ERCC6: variants seen among roughly 807,000 people sequenced by gnomAD.
ERCC6 encodes DNA excision repair protein ERCC-6.
ERCC6 carries 116 observed loss-of-function variants against 158.7 expected under a neutral mutation model. That is an observed-to-expected ratio of 0.73 (90% CI 0.63 to 0.85). The LOEUF (loss-of-function observed/expected upper bound fraction) is 0.85, where lower values mean the gene tolerates loss of function less well. Ranked by LOEUF, ERCC6 falls within the 40% of genes least tolerant of loss-of-function variation. The probability of loss-of-function intolerance (pLI) is 0.00; values close to 1 mark genes in which losing one functional copy is unlikely to be tolerated. For synonymous variants in ERCC6, 678 were observed against 659.3 expected (o/e 1.03, Z -0.43); for missense variants, 1,698 against 1,799.4 (o/e 0.94, Z 1.02).
intron 1 of ERCC6, 65 bp downstream of exon 1, chr10:49,538,897 G>T: frequency 6.5e-6 from 1 of 152,712 alleles, no homozygotes; most frequent in Non-Finnish European, 1.5e-5. Flanking sequence ...CGGCCCGCCC[G>T]AGAAGCCTGA....
intron 14 of ERCC6, 80 bp downstream of exon 14, chr10:49,473,397 G>A (rs1785418589): frequency 1.0e-6 from 1 of 967,722 alleles, no homozygotes; most frequent in East Asian, 2.4e-5. Context: ...GCTTTGGTGG[G>A]TAAGGGTGTG....
chr10:49,463,149 T>C (rs1327851191), intron 18 of ERCC6, among the ~76,000 whole-genome samples: 1 of 152,164 alleles, frequency 6.6e-6, no homozygotes. Flanking sequence ...TAATGAGACA[T>C]CTTGGGGATG....
At chr10:49,536,622 G>A (rs1273028594) in intron 1 of ERCC6, among the ~76,000 whole-genome samples, 1 of 152,168 alleles carries the variant, frequency 6.6e-6, no homozygotes, top group Non-Finnish European at 1.5e-5. Context: ...TAAATGTCCT[G>A]TACAAGAGAA....
rs541909446 is a variant in ERCC6 at position 49,461,556 on chromosome 10, A to G, written c.3779T>C (p.Val1260Ala). 5 of 1,612,220 alleles carry G rather than the reference A, an allele frequency of 3.1e-6. No individual in the cohort carries two copies. Among genetic ancestry groups the G allele is most frequent in the Non-Finnish European group, 4.2e-6 (5 of 1,179,114 alleles). ...YVLEKLFKKS[V>A]GVHSVMKHDA... ...GTGCTTCATGACACTGTGCACGCCA[A>G]CTAGCAAGAAAAGAAATAGCAAAGT... Residue 1260 changes from valine (V) to alanine (A), a missense_variant and splice_region_variant, in exon 19 of 21, where the codon GTT becomes GCT. Transcript: ENST00000355832.
In ERCC6 at chr10:49,470,530, C is replaced by T. The variant is rs1275630513; in HGVS notation, c.3430G>A (p.Asp1144Asn). The stretch of plus-strand genomic sequence containing the variant: ...CCTAACTTTTCATCAATGCTTTCAT[C>T]ACCAGATGGCATAGAAGTTTTGCCT... ...GTGKTSMPSGDESIDEKLGLS... is the reference protein window; with the variant it reads ...GTGKTSMPSGNESIDEKLGLS... The change falls in exon 18 of 21, where the codon GAT (aspartate) becomes AAT (asparagine). Residue 1144 changes from aspartate (D) to asparagine (N), a missense_variant. Transcript: ENST00000355832. The T allele has an allele frequency of 6.2e-7, 1 of 1,614,204 alleles. No homozygotes were observed. The highest frequency in any genetic ancestry group is 8.5e-7 in the Non-Finnish European group (1 of 1,180,026).
At chr10:49,538,126 A>G (rs911844351) in intron 1 of ERCC6, among the ~76,000 whole-genome samples, 9 of 152,248 alleles carry the variant, frequency 5.9e-5, no homozygotes, top group Non-Finnish European at 1.3e-4. Context: ...TAAGTCTTGC[A>G]GAGTATCTTC....
chr10:49,493,190 T>G lies in ERCC6; in HGVS notation c.1748A>C (p.Lys583Thr). 1 of 1,614,154 alleles carries G rather than the reference T, an allele frequency of 6.2e-7. No individual in the cohort carries two copies. The highest frequency in any genetic ancestry group is 2.2e-5 in the East Asian group (1 of 44,876). ...CPTTVMHQWV[K>T]EFHTWWPPFR... ...CGGAGGCCACCACGTGTGAAATTCC[T>G]TCACCCACTGATGCATCACTGTTGT... The change falls in exon 8 of 21, where the codon AAG becomes ACG. Residue 583 changes from lysine to threonine, a missense_variant. Physicochemically the swap from Lys to Thr is moderately conservative, Grantham distance 78. Transcript: ENST00000355832.
chr10:49,536,220 A>C (rs1295375821), intron 1 of ERCC6, among the ~76,000 whole-genome samples: 2 of 152,192 alleles, frequency 1.3e-5, no homozygotes, highest in Non-Finnish European at 2.9e-5. Flanking sequence ...TGGAGGCCAC[A>C]AGAGAGTGGC....
chr10:49,500,625 T>G lies in ERCC6; in HGVS notation c.1598A>C (p.Glu533Ala). Residue 533 changes from glutamate (E) to alanine (A), a missense_variant, in exon 7 of 21, where the codon GAA (glutamate) becomes GCA (alanine). Glu to Ala is a moderately radical substitution (Grantham distance 107). Coordinates refer to ENST00000355832, the MANE Select transcript of ERCC6 (RefSeq NM_000124.4). ...CTGGATGGTCTTGCCCAATCCCATT[T>G]CATCTCCCAGAATTCCTCCTGCCTG... ...CQQAGGILGDEMGLGKTIQII... is the reference protein window; with the variant it reads ...CQQAGGILGDAMGLGKTIQII... 6.2e-7 allele frequency: 1 copy of G among 1,614,032 alleles called. No homozygotes were observed. The highest frequency in any genetic ancestry group is 8.5e-7 in the Non-Finnish European group (1 of 1,179,920).
intron 7 of ERCC6, among the ~76,000 whole-genome samples, chr10:49,494,908 G>A (rs1030607819): frequency 3.3e-4 from 50 of 152,178 alleles, no homozygotes; most frequent in African/African-American, 1.1e-3. Flanking sequence ...ATCATGCTGT[G>A]TCCACAGCCT....
chr10:49,473,518 T>C lies in ERCC6; in HGVS notation c.2668A>G (p.Thr890Ala), dbSNP rs748502209. ...YTYLKMDGTTTIASRQPLITR... is the reference protein window; with the variant it reads ...YTYLKMDGTTAIASRQPLITR... Reference sequence around the variant, plus strand: ...ATCAGTGGCTGTCTTGAAGCTATTGTAGTGGTACCATCCATCTTGAGATAG... The same window carrying C: ...ATCAGTGGCTGTCTTGAAGCTATTGCAGTGGTACCATCCATCTTGAGATAG... Residue 890 changes from threonine to alanine, a missense_variant, in exon 14 of 21, where the codon ACA becomes GCA. Coordinates refer to ENST00000355832, the MANE Select transcript of ERCC6 (RefSeq NM_000124.4). The C allele has an allele frequency of 1.9e-6, 3 of 1,613,034 alleles. No individual in the cohort carries two copies. The Admixed American group carries it at 5.0e-5, about 27-fold the overall frequency.
chr10:49,440,190 A>T, the ERCC6 span, among the ~76,000 whole-genome samples: 1 of 152,224 alleles, frequency 6.6e-6, no homozygotes, highest in Non-Finnish European at 1.5e-5. Flanking sequence ...CATACGCAAG[A>T]CTGGGAAGAA....
At chr10:49,469,347 A>G (rs924688058) in intron 18 of ERCC6, among the ~76,000 whole-genome samples, 1 of 152,190 alleles carries the variant, frequency 6.6e-6, no homozygotes, top group African/African-American at 2.4e-5. Context: ...TGAGTAAGAT[A>G]CGGTATCACC....
intron 5 of ERCC6, among the ~76,000 whole-genome samples, chr10:49,517,398 G>C (rs1837011928): frequency 6.6e-6 from 1 of 152,132 alleles, no homozygotes; most frequent in Non-Finnish European, 1.5e-5. Flanking sequence ...CAGCATGCCA[G>C]TATCTGTAGC....
chr10:49,476,287 A>G lies in ERCC6; in HGVS notation c.2310T>C (p.Asp770=), dbSNP rs202046174. Residue 770 remains aspartate, a synonymous_variant, in exon 12 of 21, where the codon GAT becomes GAC. Coordinates refer to ENST00000355832, the MANE Select transcript of ERCC6 (RefSeq NM_000124.4). ...AATTTTGGTAGACTTTATGCTGCTC[A>G]TCTGTAAGACGGCAAAATAAGACCT... The part of the protein sequence containing the change: ...NEQVLFCRLT[D]EQHKVYQNFV... 1 of 1,613,946 alleles carries G rather than the reference A, an allele frequency of 6.2e-7. No homozygotes were observed. Among genetic ancestry groups the G allele is most frequent in the Non-Finnish European group, 8.5e-7 (1 of 1,179,842 alleles).
At chr10:49,475,360 A>T (rs1384955581) in intron 12 of ERCC6, 1 of 435,880 alleles carries the variant, frequency 2.3e-6, no homozygotes, top group Non-Finnish European at 4.6e-6. Context: ...TGTGACTACT[A>T]GAAAATTTAC....
At chr10:49,459,478 A>T (rs1409843658) in intron 20 of ERCC6, among the ~76,000 whole-genome samples, 1 of 152,142 alleles carries the variant, frequency 6.6e-6, no homozygotes, top group Non-Finnish European at 1.5e-5. Context: ...CCATTCCCTT[A>T]GTCACCACCA....
intron 5 of ERCC6, chr10:49,517,130 G>GA (rs1837000714): frequency 9.6e-6 from 15 of 1,570,278 alleles, no homozygotes; most frequent in Non-Finnish European, 1.3e-5. Flanking sequence ...GACTAAAACG[G>GA]AAAAAAGGTA....
intron 6 of ERCC6, chr10:49,501,084 A>G (rs904989951): frequency 3.9e-6 from 1 of 259,338 alleles, no homozygotes; most frequent in Non-Finnish European, 7.5e-6. Flanking sequence ...TTTTTCTATA[A>G]AAAAGGGGCA....
Sources: allele counts gnomAD v4.1 joint callset (sites outside exome capture counted in the v4.1 genomes callset), GRCh38; gene constraint gnomAD v4.1.1; transcripts MANE v1.5; gene names NCBI Gene and HGNC (gene_info 2026-07-23, HGNC 2026-07-21).